SORCS3: variants seen among roughly 807,000 people sequenced by gnomAD.
The protein encoded by SORCS3 is sortilin related VPS10 domain containing receptor 3.
Under a neutral mutation model 146.3 loss-of-function variants are expected in SORCS3, and 57 were observed. The ratio of observed to expected loss-of-function variants is 0.39; its 90% CI spans 0.31 to 0.49. The LOEUF is 0.49. Among genes scored for constraint, SORCS3 ranks in the 20% least tolerant of loss-of-function variants. SORCS3 has a pLI of 0.92. For synonymous variants in SORCS3, 653 were observed against 618.5 expected, an observed-to-expected ratio of 1.06 and a Z score of -0.83; for missense variants, 1,341 against 1,575.5, an observed-to-expected ratio of 0.85 and a Z score of 2.52.
chr10:105,098,709 C>T (rs2055763474), intron 6 of SORCS3, among the ~76,000 whole-genome samples: 1 of 152,152 alleles, frequency 6.6e-6, no homozygotes, highest in Non-Finnish European at 1.5e-5. Context: ...GCATATAGTT[C>T]CTAGAACACC....
In SORCS3 at chr10:105,158,875, T is replaced by C; in HGVS notation, c.1630-17T>C. 6.3e-7 allele frequency: 1 copy of C among 1,593,280 alleles called. No individual in the cohort carries two copies. Among genetic ancestry groups the C allele is most frequent in the Non-Finnish European group, 8.6e-7 (1 of 1,161,884 alleles). ...CTGGAATTTCCTAGAATGAAACTAT[T>C]TCTTTCTCCATTTTAGCCCTTCTGT... On this transcript the variant is annotated splice_polypyrimidine_tract_variant and intron_variant, in intron 10 of 26. Transcript: ENST00000369701.
intron 1 of SORCS3, among the ~76,000 whole-genome samples, chr10:104,773,097 G>T (rs1028643387): frequency 2.0e-5 from 3 of 152,208 alleles, no homozygotes; most frequent in Non-Finnish European, 4.4e-5. Flanking sequence ...TTTAACATGA[G>T]CATTGAAGGA....
At chr10:105,227,985 T>C (rs937639741) in intron 20 of SORCS3, among the ~76,000 whole-genome samples, 1 of 128,856 alleles carries the variant, frequency 7.8e-6, no homozygotes, top group Non-Finnish European at 1.6e-5. Context: ...TGTGGTCATT[T>C]TGTGTGTGTG....
intron 2 of SORCS3, among the ~76,000 whole-genome samples, chr10:104,908,261 TA>T (rs1230273853): frequency 3.9e-5 from 6 of 152,226 alleles, no homozygotes; most frequent in Non-Finnish European, 7.3e-5. Context: ...ATCATACACT[TA>T]TGGTGACAAT....
At chr10:104,777,915 G>A (rs1589495643) in intron 1 of SORCS3, among the ~76,000 whole-genome samples, 1 of 152,176 alleles carries the variant, frequency 6.6e-6, no homozygotes, top group East Asian at 1.9e-4. Context: ...ACTGGGGTGA[G>A]ATTATATCTC....
At chr10:105,136,182 A>T (rs919250987) in intron 7 of SORCS3, among the ~76,000 whole-genome samples, 5 of 152,158 alleles carry the variant, frequency 3.3e-5, no homozygotes, top group Non-Finnish European at 5.9e-5. Context: ...TATTTCTTAC[A>T]TCTGTAGAGG....
At chr10:104,662,296 C>G (rs1033426113) in intron 1 of SORCS3, among the ~76,000 whole-genome samples, 3 of 152,122 alleles carry the variant, frequency 2.0e-5, no homozygotes, top group Non-Finnish European at 4.4e-5. Context: ...AAATAATAGA[C>G]CACAATTAGG....
intron 2 of SORCS3, among the ~76,000 whole-genome samples, chr10:104,845,501 A>G (rs2018193705): frequency 6.6e-6 from 1 of 152,218 alleles, no homozygotes; most frequent in Non-Finnish European, 1.5e-5. Context: ...ACTTAACTGT[A>G]ATTGTTAATG....
intron 10 of SORCS3, 68 bp downstream of exon 10, chr10:105,157,352 C>T (rs2056219965): frequency 6.3e-7 from 1 of 1,582,920 alleles, no homozygotes; most frequent in Admixed American, 1.7e-5. Flanking sequence ...GTGTCGAGGG[C>T]TTTGTTTCGT....
chr10:104,889,961 T>C (rs1021960966), intron 2 of SORCS3, among the ~76,000 whole-genome samples: 1 of 152,224 alleles, frequency 6.6e-6, no homozygotes, highest in Admixed American at 6.5e-5. Context: ...AGAAATGTAA[T>C]TTAATTGGCT....
intron 1 of SORCS3, among the ~76,000 whole-genome samples, chr10:104,682,317 G>A (rs1224897952): frequency 6.6e-6 from 1 of 152,226 alleles, no homozygotes; most frequent in Non-Finnish European, 1.5e-5. Flanking sequence ...ATGAGGCCAG[G>A]TCCTGGGGCT....
At position 105,003,998 on chromosome 10, in the gene SORCS3, C is replaced by CTTTTTTTTTTTTTTTTTTTTTTT. The variant is rs35604992; in HGVS notation, c.954+26506_954+26507insTTTTTTTTTTTTTTTTTTTTTTT. ...TTCCCCTCCTTTTTTTCTCTTCTCTCTCTTTTTTTTTTTTTTACCAGAGAA... is the reference window on the plus strand; with the variant it reads ...TTCCCCTCCTTTTTTTCTCTTCTCTCTTTTTTTTTTTTTTTTTTTTTTTTCTTTTTTTTTTTTTTACCAGAGAA... On this transcript the variant is annotated intron_variant, in intron 4 of 26. Coordinates refer to ENST00000369701, the MANE Select transcript of SORCS3 (RefSeq NM_014978.3). Among the ~76,000 whole-genome samples, 530 of 135,852 alleles carry CTTTTTTTTTTTTTTTTTTTTTTT rather than the reference C, an allele frequency of 3.9e-3. 25 individuals are homozygous for CTTTTTTTTTTTTTTTTTTTTTTT. Among genetic ancestry groups the CTTTTTTTTTTTTTTTTTTTTTTT allele is most frequent in the Non-Finnish European group, 6.1e-3 (391 of 64,240 alleles). 89.1% of individuals were successfully genotyped at this position (135,852 alleles called of 152,430 possible).
chr10:105,174,412 A>C (rs2056383283), intron 13 of SORCS3, among the ~76,000 whole-genome samples: 1 of 152,092 alleles, frequency 6.6e-6, no homozygotes. Context: ...TCACCTCAGG[A>C]TATTTGAAAA....
chr10:105,106,147 C>T (rs1172595383), intron 7 of SORCS3, among the ~76,000 whole-genome samples: 2 of 152,322 alleles, frequency 1.3e-5, no homozygotes, highest in Middle Eastern at 3.4e-3. Context: ...TAGTGCTCCA[C>T]CAGATGACTG....
intron 11 of SORCS3, among the ~76,000 whole-genome samples, chr10:105,163,912 A>ACACACACACACACC (rs1467123750): frequency 6.6e-6 from 1 of 150,982 alleles, no homozygotes; most frequent in African/African-American, 2.4e-5. Flanking sequence ...ACACACACAC[A>ACACACACACACACC]CACACACACC....
intron 10 of SORCS3, 122 bp downstream of exon 10, chr10:105,157,406 T>C: frequency 8.3e-7 from 1 of 1,210,496 alleles, no homozygotes; most frequent in Non-Finnish European, 1.1e-6. Flanking sequence ...AGTAATTTTC[T>C]AAAACTTGCA....
chr10:105,028,683 T>A (rs943224164), intron 4 of SORCS3, among the ~76,000 whole-genome samples: 1 of 152,222 alleles, frequency 6.6e-6, no homozygotes, highest in Non-Finnish European at 1.5e-5. Context: ...TAATCAAACG[T>A]CCTCCACAGG....
intron 8 of SORCS3, among the ~76,000 whole-genome samples, chr10:105,145,042 C>T (rs1280092090): frequency 6.6e-6 from 1 of 152,026 alleles, no homozygotes; most frequent in Non-Finnish European, 1.5e-5. Flanking sequence ...AGGGTCTACT[C>T]CAGACATACT....
chr10:104,735,477 T>TTTTTA (rs1564671258), intron 1 of SORCS3, among the ~76,000 whole-genome samples: 3 of 141,876 alleles, frequency 2.1e-5, no homozygotes, highest in Non-Finnish European at 4.6e-5. Context: ...TTTTTTTTTT[T>TTTTTA]AATCAATCCC....
Sources: gnomAD v4.1 joint callset for allele counts (sites outside exome capture counted in the v4.1 genomes callset) on GRCh38, gnomAD v4.1.1 for gene constraint, MANE v1.5 for transcripts, NCBI Gene and HGNC (gene_info 2026-07-23, HGNC 2026-07-21) for gene names.